NCKAP5: variants seen among roughly 807,000 people sequenced by gnomAD.
The protein encoded by NCKAP5 is NCK associated protein 5, also known as nck-associated protein 5.
Under a neutral mutation model 167.0 loss-of-function variants are expected in NCKAP5, and 92 were observed. The ratio of observed to expected loss-of-function variants is 0.55; its 90% CI spans 0.47 to 0.66. The LOEUF (loss-of-function observed/expected upper bound fraction) is 0.66, where lower values mean the gene tolerates loss of function less well. NCKAP5 is among the 30% of genes least tolerant of loss of function. The pLI is 0.00. For synonymous variants in NCKAP5, 891 were observed against 877.4 expected, an observed-to-expected ratio of 1.02 and a Z score of -0.27; for missense variants, 2,378 against 2,315.0, an observed-to-expected ratio of 1.03 and a Z score of -0.56.
chr2:133,327,034 T>C (rs1371049779), intron 3 of NCKAP5, among the ~76,000 whole-genome samples: 1 of 152,230 alleles, frequency 6.6e-6, no homozygotes, highest in Non-Finnish European at 1.5e-5. Flanking sequence ...TCATAAGTTC[T>C]GTTGGGGAGC....
intron 5 of NCKAP5, among the ~76,000 whole-genome samples, chr2:133,130,768 G>A (rs1243503485): frequency 1.3e-5 from 2 of 152,188 alleles, no homozygotes; most frequent in Non-Finnish European, 2.9e-5. Context: ...TCCTGGAACT[G>A]GTAAAAAGCA....
intron 7 of NCKAP5, among the ~76,000 whole-genome samples, chr2:132,987,441 A>T (rs2077320759): frequency 6.6e-6 from 1 of 152,210 alleles, no homozygotes; most frequent in African/African-American, 2.4e-5. Flanking sequence ...ATAACTGGAA[A>T]AGGGTCTCTT....
At chr2:132,755,600 G>A (rs973181857) in intron 16 of NCKAP5, among the ~76,000 whole-genome samples, 2 of 152,032 alleles carry the variant, frequency 1.3e-5, no homozygotes, top group African/African-American at 4.8e-5. Context: ...GAAGGCCAAG[G>A]CGGGCAGATC....
At chr2:133,276,106 T>A (rs1182373708) in intron 4 of NCKAP5, among the ~76,000 whole-genome samples, 1 of 152,070 alleles carries the variant, frequency 6.6e-6, no homozygotes, top group Non-Finnish European at 1.5e-5. Context: ...TTTATGATGA[T>A]CCACGTCCAT....
the NCKAP5 span, among the ~76,000 whole-genome samples, chr2:133,588,106 A>G: frequency 1.3e-5 from 2 of 152,218 alleles, no homozygotes; most frequent in African/African-American, 4.8e-5. Flanking sequence ...ATACACACAC[A>G]CACTTACATA....
At chr2:133,293,902 A>G (rs1679772301) in intron 4 of NCKAP5, among the ~76,000 whole-genome samples, 1 of 152,140 alleles carries the variant, frequency 6.6e-6, no homozygotes, top group Non-Finnish European at 1.5e-5. Flanking sequence ...CTGAGAATAC[A>G]GCTATGATTT....
In NCKAP5 at chr2:132,728,902, A is replaced by G; in HGVS notation, c.5494T>C (p.Cys1832Arg). 6.2e-7 allele frequency: 1 copy of G among 1,614,000 alleles called. No homozygotes were observed. The highest frequency in any genetic ancestry group is 8.5e-7 in the Non-Finnish European group (1 of 1,179,876). Reference sequence around the variant, plus strand: ...TCTTCAGCATATCCGAATGATGAGCATGTCTGAGGCCTTGGCTCTGCTTCA... The same window carrying G: ...TCTTCAGCATATCCGAATGATGAGCGTGTCTGAGGCCTTGGCTCTGCTTCA... ...QNEAEPRPQT[C>R]SSFGYAEDPM... Residue 1832 changes from cysteine to arginine, a missense_variant, in exon 18 of 20, where the codon TGC becomes CGC. This residue lies in a region of NCKAP5 where 1,325 missense variants were observed against 1,274.5 expected (regional missense o/e 1.04). Transcript: ENST00000409261.
At chr2:133,348,857 A>C (rs2150804998) in intron 3 of NCKAP5, among the ~76,000 whole-genome samples, 1 of 152,338 alleles carries the variant, frequency 6.6e-6, no homozygotes, top group South Asian at 2.1e-4. Context: ...ATGACAAAGA[A>C]AAGCTGAAGT....
chr2:133,455,422 T>C (rs1553643786), intron 3 of NCKAP5, among the ~76,000 whole-genome samples: 2 of 152,130 alleles, frequency 1.3e-5, no homozygotes, highest in Non-Finnish European at 1.5e-5. Context: ...ATTATTACTC[T>C]ACCTTCGCCA....
intron 3 of NCKAP5, among the ~76,000 whole-genome samples, chr2:133,348,491 TGAA>T (rs1257749226): frequency 6.6e-6 from 1 of 152,000 alleles, no homozygotes; most frequent in Non-Finnish European, 1.5e-5. Context: ...TTGGAAACTA[TGAA>T]GAATAAAGTT....
the NCKAP5 span, among the ~76,000 whole-genome samples, chr2:133,664,929 T>C: frequency 2.6e-5 from 4 of 152,232 alleles, no homozygotes; most frequent in Non-Finnish European, 5.9e-5. Flanking sequence ...CTTCTTTCTT[T>C]AAACCTCATG....
intron 6 of NCKAP5, among the ~76,000 whole-genome samples, chr2:133,065,274 TA>T (rs1210063486): frequency 6.6e-6 from 1 of 152,178 alleles, no homozygotes; most frequent in Non-Finnish European, 1.5e-5. Flanking sequence ...ACACAAAAAT[TA>T]AAAGCTCAAA....
At chr2:132,687,646 C>T (rs2105097783) in intron 19 of NCKAP5, among the ~76,000 whole-genome samples, 1 of 151,720 alleles carries the variant, frequency 6.6e-6, no homozygotes, top group African/African-American at 2.4e-5. Flanking sequence ...AAAAGCTGCT[C>T]CCACTGGAAA....
chr2:133,673,491 T>C, the NCKAP5 span, among the ~76,000 whole-genome samples: 582 of 152,300 alleles, frequency 3.8e-3, 11 homozygotes, highest in East Asian at 6.4e-3. Flanking sequence ...CCTCCCACTC[T>C]GGAGCGTATA....
chr2:132,889,165 G>A (rs537939226), intron 8 of NCKAP5, among the ~76,000 whole-genome samples: 3 of 152,148 alleles, frequency 2.0e-5, no homozygotes, highest in Admixed American at 2.0e-4. Flanking sequence ...GGGAGTGAAG[G>A]AGCCATCTTG....
chr2:132,978,873 C>A (rs1014459857), intron 7 of NCKAP5, among the ~76,000 whole-genome samples: 1 of 152,230 alleles, frequency 6.6e-6, no homozygotes, highest in East Asian at 1.9e-4. Flanking sequence ...AAGGATGCTG[C>A]CTGGTTCTCC....
chr2:132,799,989 C>T (rs751894841), intron 11 of NCKAP5, among the ~76,000 whole-genome samples: 17 of 152,038 alleles, frequency 1.1e-4, no homozygotes, highest in Admixed American at 2.0e-4. Flanking sequence ...AGCACACAAC[C>T]CCAAAGAAAC....
At chr2:133,088,899 G>A (rs16847549) in intron 6 of NCKAP5, among the ~76,000 whole-genome samples, 1,787 of 152,078 alleles carry the variant, frequency 0.012, 34 homozygotes, top group African/African-American at 0.04. Flanking sequence ...CATACAAGGC[G>A]TACAAGAACA....
chr2:133,233,098 GC>G (rs541717409), intron 4 of NCKAP5, among the ~76,000 whole-genome samples: 82 of 152,136 alleles, frequency 5.4e-4, no homozygotes, highest in Non-Finnish European at 9.1e-4. Flanking sequence ...GTAAAAACCA[GC>G]CCATGCCACT....
Sources: allele counts gnomAD v4.1 joint callset (sites outside exome capture counted in the v4.1 genomes callset), GRCh38; gene constraint gnomAD v4.1.1; regional missense constraint gnomAD v4.1.1; transcripts MANE v1.5; gene names NCBI Gene and HGNC (gene_info 2026-07-23, HGNC 2026-07-21).